The following HEATR5A variants were observed in gnomAD, a reference collection of about 807,000 sequenced individuals.
HEATR5A encodes HEAT repeat containing 5A.
A neutral mutation model predicts 218.8 loss-of-function variants in HEATR5A; 178 were observed. The observed-to-expected ratio is 0.81, with a 90% CI of 0.72 to 0.92. The LOEUF is 0.92. HEATR5A is among the 40% of genes least tolerant of loss of function. HEATR5A has a pLI of 0.00. For synonymous variants in HEATR5A, 864 were observed against 871.6 expected, an observed-to-expected ratio of 0.99 and a Z score of 0.15; for missense variants, 2,420 against 2,418.9, an observed-to-expected ratio of 1.00 and a Z score of -0.01.
intron 9 of HEATR5A, 58 bp from the exon 10 acceptor site, chr14:31,383,829 A>T: frequency 7.1e-7 from 1 of 1,417,092 alleles, no homozygotes; most frequent in Non-Finnish European, 9.6e-7. Context: ...CTGACCATAA[A>T]ATAGTCAAAA....
Position 31,293,612 on chromosome 14 carries a change from C to T in HEATR5A, c.5834G>A (p.Arg1945His). The change falls in exon 36 of 36, where the codon CGC becomes CAC. Residue 1945 changes from arginine (R) to histidine (H), a missense_variant and splice_region_variant. Physicochemically the swap from Arg to His is conservative, Grantham distance 29. Coordinates refer to ENST00000543095, the MANE Select transcript of HEATR5A (RefSeq NM_015473.4). ...TLVTVAEEHHRAQLVACLLPI... is the reference protein window; with the variant it reads ...TLVTVAEEHHHAQLVACLLPI... ...CAAAAGACAGGCCACCAGCTGAGCG[C>T]CTAGAAAGTAAACAAATAATATAAG... 1.3e-6 allele frequency: 2 copies of T among 1,593,034 alleles called. No homozygotes were observed. The highest frequency in any genetic ancestry group is 3.7e-5 in the Admixed American group (2 of 54,136).
At chr14:31,406,873 C>T (rs529710866) in intron 1 of HEATR5A, among the ~76,000 whole-genome samples, 30 of 148,630 alleles carry the variant, frequency 2.0e-4, no homozygotes, top group Non-Finnish European at 3.6e-4. Flanking sequence ...GCATAAGAAC[C>T]GCTTGAACCC....
At chr14:31,321,451 T>G in intron 25 of HEATR5A, 48 bp downstream of exon 25, 5 of 1,454,534 alleles carry the variant, frequency 3.4e-6, no homozygotes, top group Non-Finnish European at 2.8e-6. Flanking sequence ...CTCATAGACT[T>G]TTTATCTGTG....
intron 5 of HEATR5A, among the ~76,000 whole-genome samples, chr14:31,394,496 A>G (rs1431320774): frequency 1.3e-5 from 2 of 152,140 alleles, no homozygotes; most frequent in African/African-American, 4.8e-5. Context: ...ATTGGCTATG[A>G]ACAACTGGGA....
Position 31,380,555 on chromosome 14 carries a change from A to G in HEATR5A, c.1620T>C (p.Asp540=), listed in dbSNP as rs1337519348. 1.9e-6 allele frequency: 3 copies of G among 1,600,830 alleles called. No homozygotes were observed. The change falls in exon 11 of 36, where the codon GAT becomes GAC. Residue 540 remains aspartate, a synonymous_variant. Coordinates refer to ENST00000543095, the MANE Select transcript of HEATR5A (RefSeq NM_015473.4). The part of the protein sequence containing the change: ...KGKIIMTLAE[D]LLCSAAQNSR... ...TGTTTTGAGCAGCAGAACACAGCAA[A>G]TCCTCTGCTAATGTCATAATAATCT...
At chr14:31,371,957 G>A (rs952309553) in intron 12 of HEATR5A, 48 bp from the exon 13 acceptor site, 42 of 769,538 alleles carry the variant, frequency 5.5e-5, no homozygotes, top group East Asian at 3.5e-4. Flanking sequence ...AATCAACCAT[G>A]AAAGGCACAT....
chr14:31,358,779 G>A lies in HEATR5A; in HGVS notation c.2269C>T (p.Leu757Phe). 1 of 1,613,890 alleles carries A rather than the reference G, an allele frequency of 6.2e-7. No individual in the cohort carries two copies. The highest frequency in any genetic ancestry group is 1.1e-5 in the South Asian group (1 of 91,082). The stretch of plus-strand genomic sequence containing the variant: ...TAAATCGAATAAGGGTCATATTCAA[G>A]ACTTCCGCAAGCAACACCATTACCA... The part of the protein sequence containing the change: ...LLGNGVACGS[L>F]EYDPYSIYEK... The change falls in exon 16 of 36, where the codon CTT becomes TTT. Residue 757 changes from leucine (L) to phenylalanine (F), a missense_variant. Physicochemically the swap from Leu to Phe is conservative, Grantham distance 22. Coordinates refer to ENST00000543095, the MANE Select transcript of HEATR5A (RefSeq NM_015473.4).
chr14:31,361,087 C>T (rs1901601310), intron 14 of HEATR5A, among the ~76,000 whole-genome samples: 1 of 152,172 alleles, frequency 6.6e-6, no homozygotes, highest in African/African-American at 2.4e-5. Flanking sequence ...GAATTTATTA[C>T]TTGCCAGAGA....
At chr14:31,329,252 A>G (rs1900380394) in intron 22 of HEATR5A, among the ~76,000 whole-genome samples, 1 of 152,188 alleles carries the variant, frequency 6.6e-6, no homozygotes, top group African/African-American at 2.4e-5. Flanking sequence ...TTCAAAACCA[A>G]TCATGCCTTC....
intron 20 of HEATR5A, among the ~76,000 whole-genome samples, 200 bp from the exon 21 acceptor site, chr14:31,344,265 A>ATTTTTTTT (rs1245011736): frequency 8.6e-4 from 47 of 54,902 alleles, no homozygotes; most frequent in Admixed American, 1.4e-3. Context: ...TAGATTAGTT[A>ATTTTTTTT]TTCTTTTTTT....
intron 21 of HEATR5A, among the ~76,000 whole-genome samples, chr14:31,339,127 A>C (rs1900758584): frequency 6.6e-6 from 1 of 151,138 alleles, no homozygotes; most frequent in African/African-American, 2.4e-5. Context: ...GGAAAAAAAA[A>C]CAAAAACAAA....
rs570314478 is a variant in HEATR5A at position 31,352,261 on chromosome 14, G to A, written c.2412-1544C>T. Among the ~76,000 whole-genome samples the A allele has an allele frequency of 1.4e-4, 22 of 152,248 alleles. No individual in the cohort carries two copies. In the South Asian group the frequency reaches 4.6e-3, roughly 32 times the overall value. ...TCAGTTGTAAATTATCTTGATGGCAGGAAGCTTATAATTTTATCTTCATCT... is the reference window on the plus strand; with the variant it reads ...TCAGTTGTAAATTATCTTGATGGCAAGAAGCTTATAATTTTATCTTCATCT... On this transcript the variant is annotated intron_variant, in intron 16 of 35. Transcript: ENST00000543095.
chr14:31,414,839 ATTTG>A (rs369840968), intron 1 of HEATR5A, among the ~76,000 whole-genome samples: 16 of 151,574 alleles, frequency 1.1e-4, no homozygotes, highest in South Asian at 2.1e-4. Flanking sequence ...TTATTTATTT[ATTTG>A]TTTGTTTGTT....
intron 28 of HEATR5A, among the ~76,000 whole-genome samples, chr14:31,311,482 GC>G (rs1899750555): frequency 6.6e-6 from 1 of 151,834 alleles, no homozygotes; most frequent in South Asian, 2.1e-4. Flanking sequence ...CACGATGATA[GC>G]TGCCTGCAGC....
At chr14:31,401,032 G>C (rs61107917) in intron 2 of HEATR5A, among the ~76,000 whole-genome samples, 7,490 of 151,934 alleles carry the variant, frequency 0.049, 563 homozygotes, top group African/African-American at 0.16. Context: ...GTACAGACAG[G>C]GTTTCACGGT....
chr14:31,337,616 T>A lies in HEATR5A; in HGVS notation c.3229-2A>T. The A allele has an allele frequency of 6.3e-7, 1 of 1,598,580 alleles. No homozygotes were observed. The highest frequency in any genetic ancestry group is 8.5e-7 in the Non-Finnish European group (1 of 1,172,108). On this transcript the variant is annotated splice_acceptor_variant, in intron 21 of 35. Coordinates refer to ENST00000543095, the MANE Select transcript of HEATR5A (RefSeq NM_015473.4). LOFTEE classifies it high-confidence loss of function. ...CAAGTAGGGGCTACAAAGATTCACC[T>A]GAAAAATACCATTTGAGGAACGACA...
intron 13 of HEATR5A, among the ~76,000 whole-genome samples, chr14:31,367,879 T>C (rs1311245497): frequency 6.6e-6 from 1 of 152,120 alleles, no homozygotes; most frequent in Non-Finnish European, 1.5e-5. Context: ...GCATAGATCA[T>C]GCATAAATGA....
chr14:31,337,728 G>A (rs1206054210), intron 21 of HEATR5A, 114 bp from the exon 22 acceptor site: 3 of 794,028 alleles, frequency 3.8e-6, no homozygotes, highest in Non-Finnish European at 5.9e-6. Context: ...CAGTGGGCTG[G>A]ACACAATTTA....
chr14:31,357,896 C>T lies in HEATR5A; in HGVS notation c.2411+741G>A, dbSNP rs549009154. Among the ~76,000 whole-genome samples, 19 of 152,262 alleles carry T rather than the reference C, an allele frequency of 1.2e-4. No individual in the cohort carries two copies. In the South Asian group the frequency reaches 1.4e-3, roughly 12 times the overall value. ...CAGGGGGGCCCCAACCAGTGGGCCA[C>T]GGACTGGTACTGGTCCACGGCCTGT... is the stretch of plus-strand genomic sequence containing the variant. On this transcript the variant is annotated intron_variant, in intron 16 of 35. Transcript: ENST00000543095.
Sources: gnomAD v4.1 joint callset for allele counts (sites outside exome capture counted in the v4.1 genomes callset) on GRCh38, gnomAD v4.1.1 for gene constraint, MANE v1.5 for transcripts, NCBI Gene and HGNC (gene_info 2026-07-23, HGNC 2026-07-21) for gene names.